Variants in PRMT7 observed in about 807,000 individuals in gnomAD.
PRMT7 encodes the protein protein arginine N-methyltransferase 7.
Under a neutral mutation model 85.4 loss-of-function variants are expected in PRMT7, and 75 were observed. That is an observed-to-expected ratio of 0.88 (90% CI 0.73 to 1.06). PRMT7 has a LOEUF of 1.06. PRMT7 is among the 50% of genes least tolerant of loss of function. The pLI, the probability that PRMT7 is intolerant of heterozygous loss-of-function variation, is 0.00. For missense variants in PRMT7, 868 were observed against 915.2 expected (o/e 0.95, Z 0.67); for synonymous variants, 397 against 359.5 (o/e 1.10, Z -1.18).
chr16:68,349,390 C>T (rs2086928232), intron 14 of PRMT7, among the ~76,000 whole-genome samples: 1 of 152,202 alleles, frequency 6.6e-6, no homozygotes, highest in Non-Finnish European at 1.5e-5. Flanking sequence ...TCATGTCCAG[C>T]TGCCATCCTG....
Position 68,352,250 on chromosome 16 carries a change from C to T in PRMT7, c.1416C>T (p.Val472=), listed in dbSNP as rs779795340. 6.2e-7 allele frequency: 1 copy of T among 1,612,836 alleles called. No homozygotes were observed. Among genetic ancestry groups the T allele is most frequent in the East Asian group, 2.2e-5 (1 of 44,878 alleles). Residue 472 remains valine, a splice_region_variant and synonymous_variant, in exon 15 of 19, where the codon GTC becomes GTT. Transcript: ENST00000441236. ...LTNEDLQGRK[V]SLLLGEPFFT... is the part of the protein sequence containing the mutation. ...CCTGCTTCTCGCCCATTCACCAGGT[C>T]TCTCTCCTCCTGGGCGAGCCGTTCT...
chr16:68,347,256 C>T lies in PRMT7; in HGVS notation c.1237C>T (p.Leu413=). ...GTGCCTGTGTGTCAGCGATGGCAGC[C>T]TGCTCTCCGTGCTGGCCCATCACCT... ...SVCLCVSDGS[L]LSVLAHHLGV... is the part of the protein sequence containing the mutation. Residue 413 remains leucine (L), a synonymous_variant, in exon 12 of 19, where the codon CTG becomes TTG. Coordinates refer to ENST00000441236, the MANE Select transcript of PRMT7 (RefSeq NM_019023.5). 1 of 1,553,786 alleles carries T rather than the reference C, an allele frequency of 6.4e-7. No individual in the cohort carries two copies. Among genetic ancestry groups the T allele is most frequent in the Non-Finnish European group, 8.7e-7 (1 of 1,147,740 alleles).
intron 4 of PRMT7, 24 bp downstream of exon 4, chr16:68,321,486 T>C (rs1366822407): frequency 5.7e-6 from 9 of 1,589,892 alleles, no homozygotes; most frequent in African/African-American, 1.3e-5. Context: ...GAAACTATTA[T>C]CTTGATGTGG....
chr16:68,319,741 T>TGTGTGTG (rs6145875), intron 3 of PRMT7, among the ~76,000 whole-genome samples: 5 of 150,988 alleles, frequency 3.3e-5, no homozygotes, highest in Admixed American at 6.6e-5. Context: ...TGTGTGTGTG[T>TGTGTGTG]TCTGGGACTC....
At chr16:68,346,387 T>C (rs1320782440) in intron 11 of PRMT7, 107 bp downstream of exon 11, 2 of 1,529,142 alleles carry the variant, frequency 1.3e-6, no homozygotes, top group East Asian at 2.3e-5. Context: ...CTGTGTCCTC[T>C]TGTCTATGAG....
At chr16:68,340,233 C>T (rs191810409) in intron 9 of PRMT7, among the ~76,000 whole-genome samples, 2 of 152,242 alleles carry the variant, frequency 1.3e-5, no homozygotes, top group East Asian at 1.9e-4. Flanking sequence ...ATGCAGCCAC[C>T]CTTAGATACC....
At chr16:68,346,395 G>C (rs1309266097) in intron 11 of PRMT7, 115 bp downstream of exon 11, 2 of 1,486,118 alleles carry the variant, frequency 1.3e-6, no homozygotes, top group Non-Finnish European at 9.1e-7. Flanking sequence ...TCTTGTCTAT[G>C]AGTGGCTTCA....
intron 9 of PRMT7, among the ~76,000 whole-genome samples, 189 bp downstream of exon 9, chr16:68,340,157 C>T (rs1252338690): frequency 6.6e-6 from 1 of 152,180 alleles, no homozygotes; most frequent in African/African-American, 2.4e-5. Context: ...AGGGTGAGCT[C>T]ATGGTGAGCA....
intron 14 of PRMT7, among the ~76,000 whole-genome samples, chr16:68,349,275 C>T (rs1482278932): frequency 1.3e-5 from 2 of 152,064 alleles, no homozygotes; most frequent in Admixed American, 6.5e-5. Flanking sequence ...CCCCGTGTCC[C>T]CCGCTTCCCC....
chr16:68,348,259 A>G (rs2086702085), intron 13 of PRMT7, 83 bp from the exon 14 acceptor site: 2 of 1,149,766 alleles, frequency 1.7e-6, no homozygotes, highest in Non-Finnish European at 2.5e-6. Context: ...CAAAGCGGAG[A>G]ATGCAACTTT....
intron 6 of PRMT7, among the ~76,000 whole-genome samples, chr16:68,330,133 A>T (rs1310812078): frequency 2.6e-5 from 4 of 152,104 alleles, no homozygotes; most frequent in Non-Finnish European, 4.4e-5. Context: ...ACCTCAGGTG[A>T]TCCGCCTGCC....
Position 68,311,067 on chromosome 16 carries a change from C to CAGCGGAGGCG in PRMT7, c.-242_-233dup, listed in dbSNP as rs1310653352. ...GTGCTGGCCGCGGTAAAAGTGGTAG[C>CAGCGGAGGCG]AGCGGAGGCGAGCGGAGGGTTTCCC... is the stretch of plus-strand genomic sequence containing the variant. On this transcript the variant is annotated 5_prime_UTR_variant, in exon 1 of 19. Coordinates refer to ENST00000441236, the MANE Select transcript of PRMT7 (RefSeq NM_019023.5). The CAGCGGAGGCG allele has an allele frequency of 3.7e-6, 3 of 811,292 alleles. No individual in the cohort carries two copies. Among genetic ancestry groups the CAGCGGAGGCG allele is most frequent in the Admixed American group, 2.0e-5 (1 of 49,708 alleles). 50.3% of individuals were successfully genotyped at this position (811,292 alleles called of 1,614,324 possible). A position where few individuals can be genotyped will look rare whatever the true frequency, so the allele number is the denominator to read the frequency against.
rs750185567 is a variant in PRMT7, at chr16:68,346,297, T to C, written c.1191+17T>C. On this transcript the variant is annotated intron_variant, in intron 11 of 18. Transcript: ENST00000441236. The stretch of plus-strand genomic sequence containing the variant: ...CTGAGGACCGTAAGTGTCCAGCCCC[T>C]TGGCTTGTTGTGGGGAAAAGGGAGA... 4 of 1,612,422 alleles carry C rather than the reference T, an allele frequency of 2.5e-6. No individual in the cohort carries two copies. Among genetic ancestry groups the C allele is most frequent in the East Asian group, 2.2e-5 (1 of 44,844 alleles).
chr16:68,320,832 C>T (rs73613957), intron 3 of PRMT7, among the ~76,000 whole-genome samples: 210 of 152,224 alleles, frequency 1.4e-3, no homozygotes, highest in African/African-American at 4.5e-3. Context: ...GGTGCAGCGA[C>T]GGATGCTTGT....
At chr16:68,322,900 G>A (rs1257944414) in intron 4 of PRMT7, among the ~76,000 whole-genome samples, 1 of 151,980 alleles carries the variant, frequency 6.6e-6, no homozygotes, top group African/African-American at 2.4e-5. Context: ...GCGTGGTGGC[G>A]GGCAGGGCCT....
chr16:68,345,542 T>A, intron 9 of PRMT7, 133 bp from the exon 10 acceptor site: 4 of 1,329,474 alleles, frequency 3.0e-6, no homozygotes, highest in Non-Finnish European at 4.1e-6. Context: ...TTTATCTCCT[T>A]GGCCACAATA....
intron 5 of PRMT7, 112 bp downstream of exon 5, chr16:68,324,944 G>A: frequency 2.2e-6 from 3 of 1,384,416 alleles, no homozygotes; most frequent in Non-Finnish European, 3.0e-6. Context: ...CTCACTCTGT[G>A]CCAAGCACAG....
chr16:68,349,612 G>A (rs914388177), intron 14 of PRMT7, among the ~76,000 whole-genome samples: 1 of 152,094 alleles, frequency 6.6e-6, no homozygotes, highest in Non-Finnish European at 1.5e-5. Flanking sequence ...AACATTTCCA[G>A]GCCCGACATG....
intron 3 of PRMT7, among the ~76,000 whole-genome samples, chr16:68,320,310 G>C (rs569374466): frequency 7.9e-5 from 12 of 152,308 alleles, no homozygotes; most frequent in Middle Eastern, 6.8e-3. Context: ...CACACACACA[G>C]AAATATAGAG....
Sources: allele counts gnomAD v4.1 joint callset (sites outside exome capture counted in the v4.1 genomes callset), GRCh38; gene constraint gnomAD v4.1.1; transcripts MANE v1.5; gene names NCBI Gene and HGNC (gene_info 2026-07-23, HGNC 2026-07-21).